The following TPD52 variants were observed in gnomAD, a reference collection of about 807,000 sequenced individuals.
TPD52 encodes tumor protein D52.
Under a neutral mutation model 31.3 loss-of-function variants are expected in TPD52, and 17 were observed. That is an observed-to-expected ratio of 0.54 (90% CI 0.37 to 0.82). The LOEUF (loss-of-function observed/expected upper bound fraction) is 0.82. TPD52 is among the 40% of genes least tolerant of loss of function. The pLI, the probability that TPD52 is intolerant of heterozygous loss-of-function variation, is 0.00. For synonymous variants in TPD52, 83 were observed against 89.6 expected (o/e 0.93, Z 0.42); for missense variants, 212 against 240.1 (o/e 0.88, Z 0.77).
chr8:80,160,027 C>A (rs1811240964), intron 1 of TPD52, among the ~76,000 whole-genome samples: 1 of 152,010 alleles, frequency 6.6e-6, no homozygotes, highest in South Asian at 2.1e-4. Context: ...CTTGCCTTTA[C>A]AAACAATAAA....
intron 1 of TPD52, among the ~76,000 whole-genome samples, chr8:80,072,408 C>T (rs55987714): frequency 0.039 from 4,098 of 106,132 alleles, 222 homozygotes; most frequent in African/African-American, 0.14. Context: ...CATAGATATG[C>T]GTGTATATAC....
chr8:80,050,285 T>G, intron 5 of TPD52, 160 bp downstream of exon 5: 1 of 541,270 alleles, frequency 1.8e-6, no homozygotes, highest in Non-Finnish European at 3.1e-6. Flanking sequence ...CAAGAAACCC[T>G]CCCTTGAAAT....
intron 1 of TPD52, among the ~76,000 whole-genome samples, chr8:80,120,856 G>C (rs1808213846): frequency 6.6e-6 from 1 of 152,106 alleles, no homozygotes; most frequent in Non-Finnish European, 1.5e-5. Flanking sequence ...GAAGTGAGCA[G>C]ATCACCTGAG....
intron 1 of TPD52, among the ~76,000 whole-genome samples, chr8:80,139,113 T>C (rs1809638334): frequency 1.3e-5 from 2 of 152,172 alleles, no homozygotes; most frequent in Admixed American, 6.5e-5. Context: ...CTTGGATTAT[T>C]TCAACTATAT....
At chr8:80,104,052 G>T (rs1246818529) in intron 1 of TPD52, among the ~76,000 whole-genome samples, 1 of 152,174 alleles carries the variant, frequency 6.6e-6, no homozygotes, top group Non-Finnish European at 1.5e-5. Flanking sequence ...GGGCATAGCT[G>T]GGGACATATC....
chr8:80,109,473 C>T (rs1051626029), intron 1 of TPD52, among the ~76,000 whole-genome samples: 17 of 152,180 alleles, frequency 1.1e-4, no homozygotes, highest in African/African-American at 3.9e-4. Flanking sequence ...ATGGTGCAAT[C>T]TCGGCTCACT....
chr8:80,077,393 G>A (rs1814703036), intron 1 of TPD52, among the ~76,000 whole-genome samples: 1 of 152,266 alleles, frequency 6.6e-6, no homozygotes, highest in East Asian at 1.9e-4. Context: ...GACCCCAGCT[G>A]TGAGACCCTG....
chr8:80,166,220 G>A (rs2131278247), intron 1 of TPD52, among the ~76,000 whole-genome samples: 1 of 152,226 alleles, frequency 6.6e-6, no homozygotes, highest in South Asian at 2.1e-4. Flanking sequence ...GGCTGAGGCA[G>A]GAGAATCACT....
chr8:80,040,917 G>T (rs1037629643), intron 7 of TPD52, among the ~76,000 whole-genome samples: 1 of 152,146 alleles, frequency 6.6e-6, no homozygotes, highest in Non-Finnish European at 1.5e-5. Flanking sequence ...CTAAGCCTTT[G>T]AGAAGTATCA....
Position 80,040,185 on chromosome 8 carries a change from C to CTTTT in TPD52, c.505-1954_505-1951dup, listed in dbSNP as rs34611433. ...TGGGGTATCTGTTTAATACGCTATC[C>CTTTT]TTTTTTTTTTTTTTTTTTTTTTTTT... On this transcript the variant is annotated intron_variant, in intron 7 of 7. Coordinates refer to ENST00000518937, the MANE Select transcript of TPD52 (RefSeq NM_001025253.3). 4.8e-3 allele frequency among the ~76,000 whole-genome samples: 455 copies of CTTTT among 95,680 alleles called. 47 individuals carry two copies. The highest frequency in any genetic ancestry group is 7.1e-3 in the Non-Finnish European group (348 of 49,326). 62.8% of individuals were successfully genotyped at this position (95,680 alleles called of 152,430 possible). A position where few individuals can be genotyped will look rare whatever the true frequency, so the allele number is the denominator to read the frequency against.
At chr8:80,094,371 C>T (rs1330018664) in intron 1 of TPD52, among the ~76,000 whole-genome samples, 1 of 145,474 alleles carries the variant, frequency 6.9e-6, no homozygotes, top group Non-Finnish European at 1.5e-5. Flanking sequence ...GACTACACCT[C>T]CCAGGCTCCT....
chr8:80,052,761 C>G, intron 3 of TPD52: 1 of 949,470 alleles, frequency 1.1e-6, no homozygotes, highest in Non-Finnish European at 1.5e-6. Context: ...AGGGATTGAC[C>G]TCTGCCAAGA....
chr8:80,090,025 T>C (rs1307521756), intron 1 of TPD52, among the ~76,000 whole-genome samples: 1 of 151,906 alleles, frequency 6.6e-6, no homozygotes, highest in Non-Finnish European at 1.5e-5. Context: ...AGAGTGATGG[T>C]AGATGTCAGA....
intron 1 of TPD52, among the ~76,000 whole-genome samples, chr8:80,087,180 C>T (rs767696589): frequency 2.0e-5 from 3 of 152,086 alleles, no homozygotes; most frequent in Non-Finnish European, 2.9e-5. Flanking sequence ...GGTACATGTG[C>T]AGGATGTGCA....
chr8:80,151,644 C>T (rs768972507), intron 1 of TPD52, among the ~76,000 whole-genome samples: 12 of 152,214 alleles, frequency 7.9e-5, no homozygotes, highest in Non-Finnish European at 1.5e-4. Context: ...GTCTCTTCTG[C>T]TTTAACCTTT....
chr8:80,135,330 A>T (rs550402624), intron 1 of TPD52, among the ~76,000 whole-genome samples: 9 of 152,246 alleles, frequency 5.9e-5, no homozygotes, highest in African/African-American at 2.2e-4. Flanking sequence ...TTCACCTCCC[A>T]CTTCCCAAGA....
At chr8:80,080,449 T>C (rs746736990) in intron 1 of TPD52, 1 of 1,614,054 alleles carries the variant, frequency 6.2e-7, no homozygotes, top group South Asian at 1.1e-5. Context: ...CTCTCTACAA[T>C]CCATTCCAGA....
chr8:80,031,647 G>T (rs10957953), downstream of TPD52, among the ~76,000 whole-genome samples: 18,141 of 151,888 alleles, frequency 0.12, 2,568 homozygotes, highest in African/African-American at 0.34. Flanking sequence ...TGCTTGAGAT[G>T]AGGAGTCCGA....
At chr8:80,101,189 T>G (rs1215362806) in intron 1 of TPD52, among the ~76,000 whole-genome samples, 6 of 152,228 alleles carry the variant, frequency 3.9e-5, no homozygotes, top group African/African-American at 1.4e-4. Context: ...GGCTCACGCC[T>G]GTAATCCCAG....
Sources: gnomAD v4.1 joint callset for allele counts (sites outside exome capture counted in the v4.1 genomes callset) on GRCh38, gnomAD v4.1.1 for gene constraint, MANE v1.5 for transcripts, NCBI Gene and HGNC (gene_info 2026-07-23, HGNC 2026-07-21) for gene names.